Variants in PLCH2 observed in about 807,000 individuals in gnomAD.
PLCH2 encodes the protein phospholipase C eta 2, also known as 1-phosphatidylinositol 4,5-bisphosphate phosphodiesterase eta-2.
A neutral mutation model predicts 134.7 loss-of-function variants in PLCH2; 98 were observed. The ratio of observed to expected loss-of-function variants is 0.73; its 90% CI spans 0.62 to 0.86. The LOEUF (loss-of-function observed/expected upper bound fraction) is 0.86, where lower values mean the gene tolerates loss of function less well. Ranked by LOEUF, PLCH2 falls within the 40% of genes least tolerant of loss-of-function variation. The pLI, the probability that PLCH2 is intolerant of heterozygous loss-of-function variation, is 0.00. For missense variants in PLCH2, 1,994 were observed against 1,986.6 expected (o/e 1.00, Z -0.07); for synonymous variants, 974 against 827.5 (o/e 1.18, Z -3.04).
rs1643270427 is a variant in PLCH2 at position 2,502,282 on chromosome 1, C to G, written c.2832C>G (p.Phe944Leu). The change falls in exon 21 of 22, where the codon TTC (phenylalanine) becomes TTG (leucine). Residue 944 changes from phenylalanine to leucine, a missense_variant. Phe to Leu is a conservative substitution (Grantham distance 22). Coordinates refer to ENST00000378486, the MANE Select transcript of PLCH2 (RefSeq NM_014638.4). The part of the protein sequence containing the change: ...TKSQKPGRRG[F>L]PELVLGTRDT... ...GCCAGAAGCCGGGCCGCAGGGGCTT[C>G]CCGGAGCTGGTCCTGGGTACACGGG... 1.3e-6 allele frequency: 2 copies of G among 1,538,452 alleles called. No individual in the cohort carries two copies. The highest frequency in any genetic ancestry group is 4.0e-5 in the Admixed American group (2 of 49,778).
At chr1:2,497,215 G>C (rs1357910897) in intron 15 of PLCH2, among the ~76,000 whole-genome samples, 1 of 152,254 alleles carries the variant, frequency 6.6e-6, no homozygotes. Flanking sequence ...GGTCCTTCAG[G>C]CCTTGTGGGG....
chr1:2,496,521 G>C, intron 13 of PLCH2, 86 bp from the exon 14 acceptor site: 1 of 1,104,474 alleles, frequency 9.1e-7, no homozygotes, highest in Non-Finnish European at 1.3e-6. Context: ...TAATGAGGCT[G>C]CCCGAGCCCT....
chr1:2,418,721 GGTCCT>G, the PLCH2 span, among the ~76,000 whole-genome samples: 3 of 152,210 alleles, frequency 2.0e-5, no homozygotes, highest in East Asian at 1.9e-4. Flanking sequence ...TGCCTCCGCA[GGTCCT>G]GTCTGTGCGA....
chr1:2,458,931 C>A lies in PLCH2; in HGVS notation c.116-19545C>A, dbSNP rs374579833. On this transcript the variant is annotated intron_variant, in intron 2 of 3. Coordinates refer to the PLCH2 transcript ENST00000609981. The stretch of plus-strand genomic sequence containing the variant: ...GCTTGGCCGTCTCTGCAAACGGGGG[C>A]CCGAGGGGCTGGTGCTGCTTCTCAG... 6.6e-4 allele frequency among the ~76,000 whole-genome samples: 101 copies of A among 152,354 alleles called. 1 individual carries two copies. In the East Asian group the frequency reaches 0.013, roughly 19 times the overall value.
In PLCH2 at chr1:2,504,974, T is replaced by C; in HGVS notation, c.4012T>C (p.Ser1338Pro). ...VAGGPGFVRR[S>P]SSRSHSRVRA... The stretch of plus-strand genomic sequence containing the variant: ...AGGGGGCCCTGGTTTTGTGCGGCGC[T>C]CCTCCTCCCGCAGCCACAGCCGCGT... Residue 1338 changes from serine (S) to proline (P), a missense_variant, in exon 22 of 22, where the codon TCC (serine) becomes CCC (proline). Around this residue, in one of 2 missense-constraint regions of PLCH2, gnomAD observed 900 missense variants for 752.3 expected, o/e 1.20. Transcript: ENST00000378486. 2 of 1,549,300 alleles carry C rather than the reference T, an allele frequency of 1.3e-6. No individual in the cohort carries two copies. The highest frequency in any genetic ancestry group is 1.7e-6 in the Non-Finnish European group (2 of 1,150,774).
intron 2 of PLCH2, among the ~76,000 whole-genome samples, chr1:2,461,108 A>G (rs1370664466): frequency 6.6e-6 from 1 of 152,190 alleles, no homozygotes; most frequent in Non-Finnish European, 1.5e-5. Flanking sequence ...ACGTGGCTGC[A>G]TTGGTGGCCA....
chr1:2,481,128 A>G lies in PLCH2; in HGVS notation c.645+816A>G, dbSNP rs183351719. Among the ~76,000 whole-genome samples, 245 of 152,332 alleles carry G rather than the reference A, an allele frequency of 1.6e-3. 3 individuals carry two copies. Among genetic ancestry groups the G allele is most frequent in the Admixed American group, 0.014 (220 of 15,308 alleles). On this transcript the variant is annotated intron_variant, in intron 4 of 21. Transcript: ENST00000378486. The stretch of plus-strand genomic sequence containing the variant: ...CACGCATACACATGCTCACAGCCTG[A>G]CAGCTCCGCCGTGTCCAGCCCCTGC...
rs1491423029 is a variant in PLCH2, at chr1:2,483,835, GGT to G, written c.646-611_646-610del. Among the ~76,000 whole-genome samples the G allele has an allele frequency of 3.5e-4, 39 of 112,304 alleles. 4 individuals carry two copies. The highest frequency in any genetic ancestry group is 1.4e-3 in the African/African-American group (38 of 27,296). 73.7% of individuals were successfully genotyped at this position (112,304 alleles called of 152,430 possible). ...GGGGTGGCGCTGACCCCCGTGTGGG[GGT>G]GGCGCTGACCCCCGTGTGGGGTGGC... is the stretch of plus-strand genomic sequence containing the variant. On this transcript the variant is annotated intron_variant, in intron 4 of 21. Coordinates refer to ENST00000378486, the MANE Select transcript of PLCH2 (RefSeq NM_014638.4).
At chr1:2,455,221 CT>C (rs1273236131) in intron 2 of PLCH2, among the ~76,000 whole-genome samples, 2 of 152,204 alleles carry the variant, frequency 1.3e-5, no homozygotes, top group African/African-American at 4.8e-5. Flanking sequence ...GCTGTGGGAG[CT>C]AGGACGGGCG....
At chr1:2,462,106 TCCG>T in intron 2 of PLCH2, among the ~76,000 whole-genome samples, 1 of 54,706 alleles carries the variant, frequency 1.8e-5, no homozygotes, top group South Asian at 6.6e-4. Context: ...TGACACCCCC[TCCG>T]CCTGACACCC....
At chr1:2,492,399 C>A (rs555413714) in intron 11 of PLCH2, 13 of 152,344 alleles carry the variant, frequency 8.5e-5, no homozygotes, top group African/African-American at 3.1e-4. Flanking sequence ...CTCTGCTGGG[C>A]AGCCAGCTGG....
rs556284515 is a variant in PLCH2 at position 2,469,834 on chromosome 1, C to T, written c.43+2172C>T. 5.3e-5 allele frequency among the ~76,000 whole-genome samples: 8 copies of T among 152,310 alleles called. No individual in the cohort carries two copies. The South Asian group carries it at 6.2e-4, about 12-fold the overall frequency. On this transcript the variant is annotated intron_variant, in intron 1 of 21. Transcript: ENST00000449969. The stretch of plus-strand genomic sequence containing the variant: ...GGTGGACACCATCCCCAGGACAGGA[C>T]GTTTCCTCTGGCTCCTGAGAAGTCA...
At position 2,502,402 on chromosome 1, in the gene PLCH2, C is replaced by T. The variant is rs528444859; in HGVS notation, c.2952C>T (p.Ser984=). 7 of 1,543,646 alleles carry T rather than the reference C, an allele frequency of 4.5e-6. No homozygotes were observed. In the South Asian group the frequency reaches 7.1e-5, roughly 16 times the overall value. ...CCCAGGAGGGGCCCGGCAGCGGCAG[C>T]CCCCGAGGTAAGGCGCCAGCTGCGG... ...APAQEGPGSG[S]PRDTRPLSTQ... is the part of the protein sequence containing the mutation. The change falls in exon 21 of 22, where the codon AGC becomes AGT. Residue 984 remains serine, a synonymous_variant. Coordinates refer to ENST00000378486, the MANE Select transcript of PLCH2 (RefSeq NM_014638.4).
chr1:2,455,369 C>G (rs1162166935), intron 2 of PLCH2, among the ~76,000 whole-genome samples: 3 of 152,202 alleles, frequency 2.0e-5, no homozygotes, highest in Non-Finnish European at 4.4e-5. Context: ...CCCTGCCAGG[C>G]CCCCTCTGCA....
chr1:2,488,445 G>C (rs1353165925), intron 8 of PLCH2, among the ~76,000 whole-genome samples: 1 of 152,214 alleles, frequency 6.6e-6, no homozygotes, highest in Admixed American at 6.5e-5. Context: ...GCAGGCCCTG[G>C]GCTTCAGGCC....
chr1:2,436,427 TTTCTCCC>T lies in PLCH2; in HGVS notation c.115+5800_115+5806del, dbSNP rs1557943502. On this transcript the variant is annotated intron_variant, in intron 2 of 3. Transcript: ENST00000609981. ...TCCTTCCTCCCTCCACCTTTCCTCCTTTCTCCCTCCTCCCTTCCTCCCTTCCTCCCTC... is the reference window on the plus strand; with the variant it reads ...TCCTTCCTCCCTCCACCTTTCCTCCTTCCTCCCTTCCTCCCTTCCTCCCTC... Among the ~76,000 whole-genome samples the T allele has an allele frequency of 7.6e-4, 24 of 31,506 alleles. 2 individuals are homozygous for T. Among genetic ancestry groups the T allele is most frequent in the African/African-American group, 2.9e-3 (11 of 3,796 alleles). The allele number at this position is 31,506 out of a possible 152,430, so 20.7% of individuals were successfully genotyped here. A position where few individuals can be genotyped will look rare whatever the true frequency, so the allele number is the denominator to read the frequency against.
chr1:2,470,653 A>G (rs1205741405), intron 1 of PLCH2, among the ~76,000 whole-genome samples: 2 of 151,366 alleles, frequency 1.3e-5, no homozygotes, highest in African/African-American at 4.9e-5. Flanking sequence ...CCCAGCTGCC[A>G]CCCTCCCTCC....
At chr1:2,490,852 GC>G (rs968327856) in intron 10 of PLCH2, among the ~76,000 whole-genome samples, 7 of 152,252 alleles carry the variant, frequency 4.6e-5, no homozygotes, top group Non-Finnish European at 8.8e-5. Flanking sequence ...CTCAGAGGCT[GC>G]CCTGAAGTCT....
intron 2 of PLCH2, among the ~76,000 whole-genome samples, chr1:2,457,045 C>G (rs1039837911): frequency 3.3e-5 from 5 of 152,216 alleles, no homozygotes; most frequent in African/African-American, 1.2e-4. Context: ...CCTCCAGAAC[C>G]CCCCGGGGCT....
Sources: allele counts gnomAD v4.1 joint callset (sites outside exome capture counted in the v4.1 genomes callset), GRCh38; gene constraint gnomAD v4.1.1; regional missense constraint gnomAD v4.1.1; transcripts MANE v1.5; gene names NCBI Gene and HGNC (gene_info 2026-07-23, HGNC 2026-07-21).